FOXK1: variants seen among roughly 807,000 people sequenced by gnomAD.
FOXK1 encodes forkhead box K1.
A neutral mutation model predicts 51.9 loss-of-function variants in FOXK1; 19 were observed. The observed-to-expected ratio is 0.37, with a 90% CI of 0.26 to 0.54. FOXK1 has a LOEUF of 0.54. FOXK1 is among the 20% of genes least tolerant of loss of function. FOXK1 has a pLI of 0.87. For synonymous variants in FOXK1, 537 were observed against 482.6 expected, an observed-to-expected ratio of 1.11 and a Z score of -1.48; for missense variants, 870 against 1,032.7, an observed-to-expected ratio of 0.84 and a Z score of 2.16.
Position 4,703,743 on chromosome 7 carries a change from C to A in FOXK1, c.560+20875C>A, listed in dbSNP as rs6963151. On this transcript the variant is annotated intron_variant, in intron 1 of 8. Coordinates refer to ENST00000328914, the MANE Select transcript of FOXK1 (RefSeq NM_001037165.2). This position sits in a 1 kb window ranked among gnomAD's most constrained non-coding sequence, Gnocchi z 5.6. ...GCGACCAGGAGGCCCTTCAGTGCTC[C>A]GGAGGCACTTTCAGAGCATCGTGAC... Among the ~76,000 whole-genome samples the A allele has an allele frequency of 0.15, 23,558 of 152,162 alleles. 5,933 individuals carry two copies. The highest frequency in any genetic ancestry group is 0.53 in the African/African-American group (21,891 of 41,456).
rs762475620 is a variant in FOXK1, at chr7:4,753,011, C to T, written c.747-1448C>T. Among the ~76,000 whole-genome samples the T allele has an allele frequency of 3.9e-5, 6 of 152,192 alleles. No individual in the cohort carries two copies. Among genetic ancestry groups the T allele is most frequent in the East Asian group, 3.8e-4 (2 of 5,196 alleles). On this transcript the variant is annotated intron_variant, in intron 2 of 8. Coordinates refer to ENST00000328914, the MANE Select transcript of FOXK1 (RefSeq NM_001037165.2). This position sits in a 1 kb window ranked among gnomAD's most constrained non-coding sequence, Gnocchi z 4.9. ...CCTTTTGACTGTTTCCTACCTCGAT[C>T]GAGCCATTTGTGGGTGTTCATTTAA... is the stretch of plus-strand genomic sequence containing the variant.
At chr7:4,750,189 G>C (rs982592651) in intron 2 of FOXK1, among the ~76,000 whole-genome samples, 1 of 152,140 alleles carries the variant, frequency 6.6e-6, no homozygotes, top group African/African-American at 2.4e-5. Flanking sequence ...GCCTCCAATC[G>C]GGGGGCACAG....
rs900795354 is a variant in FOXK1, at chr7:4,735,433, C to T, written c.561-5405C>T. Among the ~76,000 whole-genome samples the T allele has an allele frequency of 6.6e-6, 1 of 152,192 alleles. No individual in the cohort carries two copies. The highest frequency in any genetic ancestry group is 1.5e-5 in the Non-Finnish European group (1 of 68,038). On this transcript the variant is annotated intron_variant, in intron 1 of 8. Transcript: ENST00000328914. This position sits in a 1 kb window ranked among gnomAD's most constrained non-coding sequence, Gnocchi z 4.7. The stretch of plus-strand genomic sequence containing the variant: ...GGTTTTCAGCGCATTCGCAGAGTTG[C>T]GCGGCCACCAAGTCAACTTCGGAAC...
intron 3 of FOXK1, 69 bp downstream of exon 3, chr7:4,754,684 C>A: frequency 6.6e-7 from 1 of 1,526,400 alleles, no homozygotes; most frequent in Non-Finnish European, 8.8e-7. Flanking sequence ...CCGGCGCGGG[C>A]GGCACAGACA....
rs75972344 is a variant in FOXK1 at position 4,720,471 on chromosome 7, T to G, written c.561-20367T>G. Among the ~76,000 whole-genome samples, 1,512 of 152,304 alleles carry G rather than the reference T, an allele frequency of 9.9e-3. 20 individuals carry two copies. The highest frequency in any genetic ancestry group is 0.035 in the African/African-American group (1,440 of 41,550). ...TCGCTGATTTCTTTCCTATGGCTTT[T>G]TCATTCTGTGTGAGCCCATTCATTG... On this transcript the variant is annotated intron_variant, in intron 1 of 8. Transcript: ENST00000328914.
chr7:4,706,053 T>C (rs373219053), intron 1 of FOXK1, among the ~76,000 whole-genome samples: 3,310 of 124,796 alleles, frequency 0.027, 205 homozygotes, highest in African/African-American at 0.057. Flanking sequence ...CGTGTATATA[T>C]GTATATATAT....
chr7:4,712,125 C>T (rs1365746374), intron 1 of FOXK1, among the ~76,000 whole-genome samples: 1 of 151,640 alleles, frequency 6.6e-6, no homozygotes, highest in African/African-American at 2.4e-5. Flanking sequence ...GCCTTTATAC[C>T]ATAAGATGGG....
rs1439901387 is a variant in FOXK1, at chr7:4,755,399, C to T, written c.1050+16C>T. The T allele has an allele frequency of 7.4e-6, 12 of 1,612,830 alleles. No homozygotes were observed. Among genetic ancestry groups the T allele is most frequent in the African/African-American group, 1.3e-5 (1 of 74,932 alleles). ...AGGCTGGCAGGTGAAGCCGAGTCCC[C>T]AGGGCCGGATCGCCTCTGAAGGCCC... is the stretch of plus-strand genomic sequence containing the variant. On this transcript the variant is annotated intron_variant, in intron 4 of 8. Coordinates refer to ENST00000328914, the MANE Select transcript of FOXK1 (RefSeq NM_001037165.2). The surrounding 1 kb of genome is among the most constrained non-coding windows in gnomAD (Gnocchi z 6.6).
chr7:4,718,354 G>A (rs911008705), intron 1 of FOXK1, among the ~76,000 whole-genome samples: 3 of 152,208 alleles, frequency 2.0e-5, no homozygotes, highest in Non-Finnish European at 4.4e-5. Flanking sequence ...ATGGCTGCAG[G>A]CCTGTCGTTA....
chr7:4,740,649 G>C (rs1197655675), intron 1 of FOXK1, among the ~76,000 whole-genome samples, 189 bp from the exon 2 acceptor site: 1 of 152,018 alleles, frequency 6.6e-6, no homozygotes, highest in Non-Finnish European at 1.5e-5. Flanking sequence ...AGAAAGACAA[G>C]TGACTTCCAA....
In FOXK1 at chr7:4,767,056, C is replaced by T. The variant is rs574961242; in HGVS notation, c.*4592C>T. ...GGATTTTCCCCTTCGCTTTCAGAGC[C>T]GGCGGGAGTGCAGGTCTGTTTTGCT... On this transcript the variant is annotated 3_prime_UTR_variant, in exon 9 of 9. Transcript: ENST00000328914. The surrounding 1 kb of genome is among the most constrained non-coding windows in gnomAD (Gnocchi z 6.6). 3.3e-4 allele frequency: 50 copies of T among 152,292 alleles called. No individual in the cohort carries two copies. Among genetic ancestry groups the T allele is most frequent in the African/African-American group, 1.1e-3 (45 of 41,554 alleles). The allele number at this position is 152,292 out of a possible 1,614,324, so 9.4% of individuals were successfully genotyped here. A position where few individuals can be genotyped will look rare whatever the true frequency, so the allele number is the denominator to read the frequency against.
chr7:4,707,496 G>A lies in FOXK1; in HGVS notation c.560+24628G>A, dbSNP rs1368809968. On this transcript the variant is annotated intron_variant, in intron 1 of 8. Transcript: ENST00000328914. This position sits in a 1 kb window ranked among gnomAD's most constrained non-coding sequence, Gnocchi z 4.1. Reference sequence around the variant, plus strand: ...CCAAATGGATAATTTCGCCTTGGTAGTGTTAAGATGTATTTAGCGACTCAA... The same window carrying A: ...CCAAATGGATAATTTCGCCTTGGTAATGTTAAGATGTATTTAGCGACTCAA... 1.3e-5 allele frequency among the ~76,000 whole-genome samples: 2 copies of A among 152,178 alleles called. No individual in the cohort carries two copies. Among genetic ancestry groups the A allele is most frequent in the Non-Finnish European group, 2.9e-5 (2 of 68,034 alleles).
chr7:4,761,864 C>T lies in FOXK1; in HGVS notation c.1922-320C>T, dbSNP rs1314855581. ...GCGGGGGTGCAGGGTACCAGGGCAC[C>T]GGGCGCATTGTCAGTGGGGTGGCTC... On this transcript the variant is annotated intron_variant, in intron 8 of 8. Coordinates refer to ENST00000328914, the MANE Select transcript of FOXK1 (RefSeq NM_001037165.2). The surrounding 1 kb of genome is among the most constrained non-coding windows in gnomAD (Gnocchi z 6.2). Among the ~76,000 whole-genome samples, 2 of 151,856 alleles carry T rather than the reference C, an allele frequency of 1.3e-5. No individual in the cohort carries two copies. The highest frequency in any genetic ancestry group is 2.9e-5 in the Non-Finnish European group (2 of 67,966).
chr7:4,752,558 T>A (rs1432872561), intron 2 of FOXK1, among the ~76,000 whole-genome samples: 1 of 152,228 alleles, frequency 6.6e-6, no homozygotes, highest in African/African-American at 2.4e-5. Flanking sequence ...GTGCCCCTCA[T>A]TGGTCCTCAG....
In FOXK1 at chr7:4,735,925, G is replaced by A. The variant is rs977127870; in HGVS notation, c.561-4913G>A. On this transcript the variant is annotated intron_variant, in intron 1 of 8. Coordinates refer to ENST00000328914, the MANE Select transcript of FOXK1 (RefSeq NM_001037165.2). The surrounding 1 kb of genome is among the most constrained non-coding windows in gnomAD (Gnocchi z 4.7). The stretch of plus-strand genomic sequence containing the variant: ...TCCCAGCACTTTGAGAGGCTGATGC[G>A]GGTGGATCACTTGAGGTCAGGAGTT... Among the ~76,000 whole-genome samples, 6 of 152,078 alleles carry A rather than the reference G, an allele frequency of 3.9e-5. No individual in the cohort carries two copies. Among genetic ancestry groups the A allele is most frequent in the African/African-American group, 9.7e-5 (4 of 41,414 alleles).
rs771976720 is a variant in FOXK1 at position 4,762,262 on chromosome 7, T to C, written c.2000T>C (p.Val667Ala). 1.3e-6 allele frequency: 2 copies of C among 1,551,286 alleles called. No homozygotes were observed. Among genetic ancestry groups the C allele is most frequent in the Admixed American group, 2.0e-5 (1 of 51,086 alleles). ...GTGGTGGTCACCCGGGTGTGCGAGG[T>C]GGGGCCCAAGGAGCCAGCAGCAGCC... ...APVVVTRVCE[V>A]GPKEPAAAVA... The change falls in exon 9 of 9, where the codon GTG becomes GCG. Residue 667 changes from valine (V) to alanine (A), a missense_variant. Val to Ala is a moderately conservative substitution (Grantham distance 64). Coordinates refer to ENST00000328914, the MANE Select transcript of FOXK1 (RefSeq NM_001037165.2). This position sits in a 1 kb window ranked among gnomAD's most constrained non-coding sequence, Gnocchi z 5.7.
In FOXK1 at chr7:4,682,813, T is replaced by C. The variant is rs753165669; in HGVS notation, c.505T>C (p.Phe169Leu). The part of the protein sequence containing the change: ...YLRCLGKNGV[F>L]VDGAFQRRGA... ...GCGCTGCCTCGGCAAGAACGGCGTCTTCGTGGACGGGGCCTTCCAGAGACG... is the reference window on the plus strand; with the variant it reads ...GCGCTGCCTCGGCAAGAACGGCGTCCTCGTGGACGGGGCCTTCCAGAGACG... The change falls in exon 1 of 9, where the codon TTC (phenylalanine) becomes CTC (leucine). Residue 169 changes from phenylalanine to leucine, a missense_variant. By Grantham distance (22) the Phe-to-Leu change is conservative. Around this residue, in one of 3 missense-constraint regions of FOXK1, gnomAD observed 399 missense variants for 475.6 expected, o/e 0.84. Transcript: ENST00000328914. This position sits in a 1 kb window ranked among gnomAD's most constrained non-coding sequence, Gnocchi z 7.6. The C allele has an allele frequency of 4.4e-6, 7 of 1,584,208 alleles. No homozygotes were observed. The highest frequency in any genetic ancestry group is 2.3e-5 in the East Asian group (1 of 43,726).
intron 2 of FOXK1, among the ~76,000 whole-genome samples, chr7:4,752,836 A>G (rs1323054858): frequency 6.6e-6 from 1 of 152,232 alleles, no homozygotes; most frequent in African/African-American, 2.4e-5. Flanking sequence ...CTGCCTCAGC[A>G]GGGAGGTGTT....
chr7:4,691,330 G>A (rs1216145575), intron 1 of FOXK1, among the ~76,000 whole-genome samples: 7 of 152,190 alleles, frequency 4.6e-5, no homozygotes, highest in Admixed American at 4.6e-4. Flanking sequence ...TTTTCAGGAA[G>A]TAGACAAACT....
Sources: allele counts gnomAD v4.1 joint callset (sites outside exome capture counted in the v4.1 genomes callset), GRCh38; gene constraint gnomAD v4.1.1; regional missense constraint gnomAD v4.1.1; non-coding constraint Gnocchi (gnomAD v3.1); transcripts MANE v1.5; gene names NCBI Gene and HGNC (gene_info 2026-07-23, HGNC 2026-07-21).